KLHDC8A: variants seen among roughly 807,000 people sequenced by gnomAD.
KLHDC8A encodes kelch domain containing 8A, also known as kelch domain-containing protein 8A.
In KLHDC8A, 21 loss-of-function variants were observed where a neutral mutation model predicts 33.1. The observed-to-expected ratio is 0.64, with a 90% CI of 0.45 to 0.91. The LOEUF (loss-of-function observed/expected upper bound fraction) is 0.91. Ranked by LOEUF, KLHDC8A falls within the 40% of genes least tolerant of loss-of-function variation. The pLI is 0.00. For missense variants in KLHDC8A, 435 were observed against 483.3 expected (o/e 0.90, Z 0.94); for synonymous variants, 173 against 193.5 (o/e 0.89, Z 0.88).
In KLHDC8A at chr1:205,339,411, T is replaced by C. The variant is rs1440493782; in HGVS notation, c.542-2A>G. On this transcript the variant is annotated splice_acceptor_variant, in intron 3 of 5. Transcript: ENST00000367155. LOFTEE classifies it high-confidence loss of function. This position sits in a 1 kb window ranked among gnomAD's most constrained non-coding sequence, Gnocchi z 5.1. ...CCGCGTACTTGGACTGTCGTCCCCC[T>C]GGGGGCCAGAGCAGGATAGAGGTTG... 6.2e-7 allele frequency: 1 copy of C among 1,612,558 alleles called. No individual in the cohort carries two copies. The highest frequency in any genetic ancestry group is 1.3e-5 in the African/African-American group (1 of 74,902).
At chr1:205,348,681 C>G (rs1029758972) in intron 1 of KLHDC8A, 1 of 152,196 alleles carries the variant, frequency 6.6e-6, no homozygotes, top group African/African-American at 2.4e-5. Flanking sequence ...GTAAGTACCT[C>G]ATAAAGACTA....
intron 1 of KLHDC8A, among the ~76,000 whole-genome samples, chr1:205,355,661 G>A (rs1240097002): frequency 1.3e-5 from 2 of 152,128 alleles, no homozygotes; most frequent in East Asian, 3.9e-4. Context: ...AGCCTATAAA[G>A]TAGGTACTAT....
rs1477008489 is a variant in KLHDC8A at position 205,343,514 on chromosome 1, C to T, written c.91G>A (p.Gly31Ser). The T allele has an allele frequency of 1.2e-6, 2 of 1,613,372 alleles. No homozygotes were observed. The highest frequency in any genetic ancestry group is 2.2e-5 in the South Asian group (2 of 91,078). Reference sequence around the variant, plus strand: ...CATCCCCCGATGGCATAGACCTGGCCCCCGGTCTCCAGCAGGGAGCAGTAG... The same window carrying T: ...CATCCCCCGATGGCATAGACCTGGCTCCCGGTCTCCAGCAGGGAGCAGTAG... ...RVYCSLLETG[G>S]QVYAIGGCDD... Residue 31 changes from glycine (G) to serine (S), a missense_variant, in exon 2 of 6, where the codon GGC (glycine) becomes AGC (serine). Gly to Ser is a moderately conservative substitution (Grantham distance 56). Transcript: ENST00000367155.
rs140922296 is a variant in KLHDC8A, at chr1:205,354,786, A to C, written c.-190+1747T>G. Among the ~76,000 whole-genome samples, 1,453 of 152,364 alleles carry C rather than the reference A, an allele frequency of 9.5e-3. 31 individuals are homozygous for C. Among genetic ancestry groups the C allele is most frequent in the South Asian group, 0.075 (363 of 4,830 alleles). ...GAGGGAATGAATGAATGAATGGATG[A>C]ATAAGGCAATTAATCATGATGGGAG... On this transcript the variant is annotated intron_variant, in intron 1 of 5. Coordinates refer to ENST00000367155, the MANE Select transcript of KLHDC8A (RefSeq NM_018203.3).
intron 1 of KLHDC8A, among the ~76,000 whole-genome samples, chr1:205,346,366 C>T (rs971927963): frequency 6.6e-6 from 1 of 152,178 alleles, no homozygotes; most frequent in African/African-American, 2.4e-5. Flanking sequence ...AAGCCATAGA[C>T]CTTCCTTAAA....
At chr1:205,343,162 C>G in intron 2 of KLHDC8A, 67 bp downstream of exon 2, 1 of 1,522,382 alleles carries the variant, frequency 6.6e-7, no homozygotes. Flanking sequence ...CTGTTGGTTT[C>G]CATCTGTTTC....
chr1:205,340,578 G>A (rs755456162), intron 2 of KLHDC8A, among the ~76,000 whole-genome samples: 1 of 152,012 alleles, frequency 6.6e-6, no homozygotes, highest in African/African-American at 2.4e-5. Context: ...TCTGCCTCTC[G>A]GGTTCAAGCG....
intron 1 of KLHDC8A, chr1:205,344,441 C>G (rs941293901): frequency 6.6e-6 from 1 of 152,336 alleles, no homozygotes; most frequent in Non-Finnish European, 1.5e-5. Flanking sequence ...AGCCCCGCCG[C>G]GGAAGCGCTC....
At chr1:205,351,561 T>G in intron 1 of KLHDC8A, 1 of 631,396 alleles carries the variant, frequency 1.6e-6, no homozygotes, top group Non-Finnish European at 2.9e-6. Context: ...TCATGTACAT[T>G]TTCATATTAG....
In KLHDC8A at chr1:205,339,445, G is replaced by C. The variant is rs765107106; in HGVS notation, c.542-36C>G. 3.8e-6 allele frequency: 6 copies of C among 1,585,950 alleles called. No homozygotes were observed. The Admixed American group carries it at 5.1e-5, about 13-fold the overall frequency. ...GAGCAGGATAGAGGTTGGGCAGAAG[G>C]GTTGTCCCTGAGGACAGCGACAGTG... On this transcript the variant is annotated intron_variant, in intron 3 of 5. Coordinates refer to ENST00000367155, the MANE Select transcript of KLHDC8A (RefSeq NM_018203.3). The surrounding 1 kb of genome is among the most constrained non-coding windows in gnomAD (Gnocchi z 5.1).
In KLHDC8A at chr1:205,356,530, T is replaced by C; in HGVS notation, c.-190+3A>G. On this transcript the variant is annotated splice_donor_region_variant and intron_variant, in intron 1 of 5. Transcript: ENST00000367155. ...TGCATAGATGGATTGAAATAAAACT[T>C]ACCTGACTGGAGGGAAAAGGATCGA... 2.2e-6 allele frequency: 1 copy of C among 456,206 alleles called. No homozygotes were observed. The highest frequency in any genetic ancestry group is 4.4e-6 in the Non-Finnish European group (1 of 226,958). The allele number at this position is 456,206 out of a possible 1,614,324, so 28.3% of individuals were successfully genotyped here.
At chr1:205,353,340 C>T (rs144112451) in intron 1 of KLHDC8A, among the ~76,000 whole-genome samples, 30 of 152,326 alleles carry the variant, frequency 2.0e-4, no homozygotes, top group African/African-American at 6.7e-4. Context: ...CACAGCCACA[C>T]TCACTCATTT....
At chr1:205,341,851 A>G (rs2154093) in intron 2 of KLHDC8A, among the ~76,000 whole-genome samples, 143,969 of 152,084 alleles carry the variant, frequency 0.95, 68,352 homozygotes, top group East Asian at 1. Context: ...GGGTTTCACC[A>G]TGTTAGCTGG....
At chr1:205,340,664 G>A (rs1033565598) in intron 2 of KLHDC8A, among the ~76,000 whole-genome samples, 10 of 151,706 alleles carry the variant, frequency 6.6e-5, no homozygotes, top group Admixed American at 1.3e-4. Context: ...TAGTAGAGAC[G>A]GGGTTTCACC....
rs112930388 is a variant in KLHDC8A at position 205,352,376 on chromosome 1, T to TACAC, written c.-190+4153_-190+4156dup. ...CCCCTTCTCCTCTGGCACTTTACAT[T>TACAC]ACACACACACACACACATACACACA... On this transcript the variant is annotated intron_variant, in intron 1 of 5. Coordinates refer to ENST00000367155, the MANE Select transcript of KLHDC8A (RefSeq NM_018203.3). Among the ~76,000 whole-genome samples, 205 of 150,586 alleles carry TACAC rather than the reference T, an allele frequency of 1.4e-3. 3 individuals are homozygous for TACAC. The highest frequency in any genetic ancestry group is 4.2e-3 in the African/African-American group (172 of 41,156).
intron 5 of KLHDC8A, 54 bp from the exon 6 acceptor site, chr1:205,337,646 GC>G (rs1662673152): frequency 7.2e-7 from 1 of 1,389,820 alleles, no homozygotes; most frequent in Non-Finnish European, 1.0e-6. Context: ...ACCAATCCAT[GC>G]CCCACGGTCA....
intron 1 of KLHDC8A, among the ~76,000 whole-genome samples, chr1:205,354,201 C>T (rs1463205410): frequency 1.3e-5 from 2 of 152,212 alleles, no homozygotes; most frequent in Non-Finnish European, 2.9e-5. Flanking sequence ...TCCACATCAG[C>T]GCCATCTCCC....
At chr1:205,351,602 C>CAAG (rs1491518270) in intron 1 of KLHDC8A, 1 of 99,646 alleles carries the variant, frequency 1.0e-5, no homozygotes, top group Non-Finnish European at 1.8e-5. Context: ...CTGTAATAGT[C>CAAG]AAAAAAAAAA....
intron 2 of KLHDC8A, among the ~76,000 whole-genome samples, chr1:205,342,197 C>G (rs763524132): frequency 5.3e-5 from 8 of 152,212 alleles, no homozygotes; most frequent in Non-Finnish European, 1.2e-4. Flanking sequence ...TAGCACTTAC[C>G]TGTATACAAA....
Sources: gnomAD v4.1 joint callset for allele counts (sites outside exome capture counted in the v4.1 genomes callset) on GRCh38, gnomAD v4.1.1 for gene constraint, Gnocchi (gnomAD v3.1) non-coding constraint, MANE v1.5 for transcripts, NCBI Gene and HGNC (gene_info 2026-07-23, HGNC 2026-07-21) for gene names.